The following LAMA3 variants were observed in gnomAD, a reference collection of about 807,000 sequenced individuals.
LAMA3 encodes laminin subunit alpha-3.
LAMA3 carries 281 observed loss-of-function variants against 402.0 expected under a neutral mutation model. The observed-to-expected ratio is 0.70, with a 90% CI of 0.63 to 0.77. LAMA3 has a LOEUF of 0.77. Ranked by LOEUF, LAMA3 falls within the 30% of genes least tolerant of loss-of-function variation. LAMA3 has a pLI of 0.00. For synonymous variants in LAMA3, 1,431 were observed against 1,558.4 expected, an observed-to-expected ratio of 0.92 and a Z score of 1.93; for missense variants, 3,840 against 4,215.5, an observed-to-expected ratio of 0.91 and a Z score of 2.47.
intron 1 of LAMA3, 73 bp from the exon 2 acceptor site, chr18:23,713,847 G>C: frequency 7.0e-7 from 1 of 1,418,820 alleles, no homozygotes; most frequent in East Asian, 2.4e-5. Flanking sequence ...TTGCTATATG[G>C]ATAAGAAAAA....
chr18:23,931,150 C>T lies in LAMA3; in HGVS notation c.8525C>T (p.Thr2842Met), dbSNP rs774819338. The T allele has an allele frequency of 8.1e-6, 13 of 1,612,790 alleles. No homozygotes were observed. In the South Asian group the frequency reaches 9.9e-5, roughly 12 times the overall value. Residue 2842 changes from threonine to methionine, a missense_variant, in exon 65 of 75, where the codon ACG becomes ATG. Physicochemically the swap from Thr to Met is moderately conservative, Grantham distance 81. Around this residue, in one of 3 missense-constraint regions of LAMA3, gnomAD observed 840 missense variants for 981.9 expected, o/e 0.86. Coordinates refer to ENST00000313654, the MANE Select transcript of LAMA3 (RefSeq NM_198129.4). ...SGGPIFKSPQ[T>M]YMDGLLHYVS... Reference sequence around the variant, plus strand: ...GGCCCAATTTTTAAATCTCCACAGACGTATATGGATGGTTTACTGCATTAT... The same window carrying T: ...GGCCCAATTTTTAAATCTCCACAGATGTATATGGATGGTTTACTGCATTAT...
chr18:23,822,106 G>A lies in LAMA3; in HGVS notation c.2305-146G>A, dbSNP rs751569584. On this transcript the variant is annotated intron_variant, in intron 19 of 74. Coordinates refer to ENST00000313654, the MANE Select transcript of LAMA3 (RefSeq NM_198129.4). ...ATCTTTCACAAGTTACTCGGTGCTC[G>A]TTGACTGAGTGTGAGTGTGTATGTG... is the stretch of plus-strand genomic sequence containing the variant. The A allele has an allele frequency of 3.0e-4, 239 of 802,448 alleles. 1 individual carries two copies. Among genetic ancestry groups the A allele is most frequent in the Non-Finnish European group, 4.6e-4 (219 of 480,022 alleles). 49.7% of individuals were successfully genotyped at this position (802,448 alleles called of 1,614,324 possible). A position where few individuals can be genotyped will look rare whatever the true frequency, so the allele number is the denominator to read the frequency against.
At chr18:23,776,133 G>A (rs2143904866) in intron 10 of LAMA3, among the ~76,000 whole-genome samples, 1 of 152,280 alleles carries the variant, frequency 6.6e-6, no homozygotes, top group African/African-American at 2.4e-5. Flanking sequence ...AAAGTGTTAT[G>A]TTGTGCCACA....
At chr18:23,947,898 G>A (rs1258151) in intron 70 of LAMA3, among the ~76,000 whole-genome samples, 23,315 of 148,716 alleles carry the variant, frequency 0.16, 2,219 homozygotes, top group South Asian at 0.24. Context: ...TGCAAGCTCC[G>A]CCTCCTGGGT....
chr18:23,796,063 G>C (rs1473840394), intron 12 of LAMA3: 1 of 447,072 alleles, frequency 2.2e-6, no homozygotes, highest in African/African-American at 2.0e-5. Flanking sequence ...CAGAAAGCAG[G>C]CCCTCAGCAG....
Position 23,867,898 on chromosome 18 carries a change from G to C in LAMA3, c.4748G>C (p.Gly1583Ala), listed in dbSNP as rs374752079. Residue 1583 changes from glycine (G) to alanine (A), a missense_variant, in exon 37 of 75, where the codon GGA (glycine) becomes GCA (alanine). This residue lies in a region of LAMA3 where 2,109 missense variants were observed against 2,376.0 expected (regional missense o/e 0.89). Coordinates refer to ENST00000313654, the MANE Select transcript of LAMA3 (RefSeq NM_198129.4). ...NTPRPDRLHH[G>A]RVHVVEGNFR... The stretch of plus-strand genomic sequence containing the variant: ...CCACGGCCAGACCGGCTGCATCATG[G>C]ACGAGTGCACGTGGTCGAGGTAAAG... 1 of 1,614,078 alleles carries C rather than the reference G, an allele frequency of 6.2e-7. No individual in the cohort carries two copies. The highest frequency in any genetic ancestry group is 8.5e-7 in the Non-Finnish European group (1 of 1,179,958).
chr18:23,827,214 G>A, intron 22 of LAMA3, 100 bp from the exon 23 acceptor site: 3 of 1,222,682 alleles, frequency 2.5e-6, no homozygotes, highest in African/African-American at 1.5e-5. Context: ...GAATGAATGA[G>A]TGAACTGAAT....
chr18:23,796,008 C>A (rs1329753754), intron 12 of LAMA3: 2 of 389,704 alleles, frequency 5.1e-6, no homozygotes, highest in East Asian at 1.6e-4. Context: ...TCTCTCTCTC[C>A]CTCTACCATG....
chr18:23,764,682 T>C (rs2062039901), intron 8 of LAMA3, among the ~76,000 whole-genome samples: 1 of 152,214 alleles, frequency 6.6e-6, no homozygotes. Flanking sequence ...AAATGCCTTT[T>C]ACTCAGTTAG....
chr18:23,757,089 G>A (rs2061862324), intron 6 of LAMA3, among the ~76,000 whole-genome samples: 1 of 151,898 alleles, frequency 6.6e-6, no homozygotes, highest in Non-Finnish European at 1.5e-5. Flanking sequence ...GGAGGCGCGT[G>A]CTTCCCCGCA....
intron 12 of LAMA3, among the ~76,000 whole-genome samples, chr18:23,801,536 T>C (rs1315904018): frequency 1.3e-5 from 2 of 152,190 alleles, no homozygotes; most frequent in Non-Finnish European, 2.9e-5. Context: ...CATATACAAA[T>C]TCCCTTTTCT....
intron 38 of LAMA3, 96 bp from the exon 39 acceptor site, chr18:23,876,198 A>G: frequency 1.2e-6 from 1 of 823,838 alleles, no homozygotes; most frequent in Admixed American, 2.0e-5. Context: ...AAAAAATAAA[A>G]ATGATGTGAA....
At chr18:23,824,649 G>A (rs972216643) in intron 21 of LAMA3, 84 bp downstream of exon 21, 106 of 1,444,688 alleles carry the variant, frequency 7.3e-5, no homozygotes, top group African/African-American at 2.1e-4. Context: ...AATCCACAGC[G>A]ACCATAAAAT....
chr18:23,851,760 A>G (rs2063950930), intron 32 of LAMA3, among the ~76,000 whole-genome samples: 1 of 152,080 alleles, frequency 6.6e-6, no homozygotes, highest in African/African-American at 2.4e-5. Context: ...TTGCAAATCG[A>G]CTCAACCTGG....
chr18:23,722,091 G>A (rs954809663), intron 2 of LAMA3, among the ~76,000 whole-genome samples: 1 of 152,152 alleles, frequency 6.6e-6, no homozygotes, highest in Non-Finnish European at 1.5e-5. Flanking sequence ...ATCTTAAAAG[G>A]CACTTTCTCC....
intron 24 of LAMA3, 126 bp downstream of exon 24, chr18:23,834,114 G>A (rs2063538011): frequency 1.9e-6 from 2 of 1,064,178 alleles, no homozygotes; most frequent in Non-Finnish European, 2.9e-6. Flanking sequence ...AAACAAGCAG[G>A]TGACTAGTTG....
At chr18:23,744,959 G>A (rs1027783515) in intron 2 of LAMA3, among the ~76,000 whole-genome samples, 16 of 151,972 alleles carry the variant, frequency 1.1e-4, no homozygotes, top group African/African-American at 3.9e-4. Context: ...ATTCCGAAAT[G>A]GGAAAATAAT....
intron 47 of LAMA3, among the ~76,000 whole-genome samples, chr18:23,900,353 G>A (rs981738089): frequency 5.9e-5 from 9 of 152,128 alleles, no homozygotes; most frequent in African/African-American, 9.7e-5. Context: ...TTACAGGCGT[G>A]AGCCACCGCA....
chr18:23,910,194 A>T (rs1040828001), intron 55 of LAMA3, among the ~76,000 whole-genome samples: 4 of 152,228 alleles, frequency 2.6e-5, no homozygotes, highest in Non-Finnish European at 5.9e-5. Flanking sequence ...ATTATAGCAC[A>T]GTGGTTAACA....
Sources: allele counts gnomAD v4.1 joint callset (sites outside exome capture counted in the v4.1 genomes callset), GRCh38; gene constraint gnomAD v4.1.1; regional missense constraint gnomAD v4.1.1; transcripts MANE v1.5; gene names NCBI Gene and HGNC (gene_info 2026-07-23, HGNC 2026-07-21).